WARS2: variants seen among roughly 807,000 people sequenced by gnomAD.
WARS2 encodes tryptophan--tRNA ligase, mitochondrial.
WARS2 carries 28 observed loss-of-function variants against 36.5 expected under a neutral mutation model. That is an observed-to-expected ratio of 0.77 (90% CI 0.57 to 1.05). The LOEUF (loss-of-function observed/expected upper bound fraction) is 1.05, where lower values mean the gene tolerates loss of function less well. Ranked by LOEUF, WARS2 falls within the 50% of genes least tolerant of loss-of-function variation. WARS2 has a pLI of 0.00. For missense variants in WARS2, 435 were observed against 456.8 expected (o/e 0.95, Z 0.44); for synonymous variants, 174 against 178.4 (o/e 0.98, Z 0.20).
At chr1:119,082,671 A>C (rs1411273995) in intron 1 of WARS2, 1 of 153,160 alleles carries the variant, frequency 6.5e-6, no homozygotes, top group Admixed American at 6.6e-5. Flanking sequence ...CACACTTCTC[A>C]GAAGGGGAAA....
intron 1 of WARS2, among the ~76,000 whole-genome samples, chr1:119,094,457 T>G (rs1008526577): frequency 2.0e-5 from 3 of 152,154 alleles, no homozygotes; most frequent in African/African-American, 4.8e-5. Context: ...GTGTTTGTTT[T>G]TTTTTTAAAT....
At chr1:119,078,997 T>C (rs1285303723) in intron 1 of WARS2, among the ~76,000 whole-genome samples, 1 of 151,924 alleles carries the variant, frequency 6.6e-6, no homozygotes, top group Admixed American at 6.6e-5. Context: ...GTGTGTGCAC[T>C]TTGAAGTTTT....
chr1:119,080,303 C>T (rs2101343830), intron 1 of WARS2, among the ~76,000 whole-genome samples: 1 of 152,158 alleles, frequency 6.6e-6, no homozygotes, highest in African/African-American at 2.4e-5. Flanking sequence ...CACATATATT[C>T]CTCCATCTTC....
chr1:119,034,693 T>C (rs7354830), intron 4 of WARS2, among the ~76,000 whole-genome samples: 3,042 of 152,236 alleles, frequency 0.02, 88 homozygotes, highest in African/African-American at 0.069. Flanking sequence ...CCCTGTCACA[T>C]AGGGAGTAAT....
chr1:119,106,582 T>C (rs112695945), intron 1 of WARS2, among the ~76,000 whole-genome samples: 11 of 152,322 alleles, frequency 7.2e-5, no homozygotes, highest in African/African-American at 2.6e-4. Flanking sequence ...CGTTTTCTGA[T>C]TGGCTTCTTT....
chr1:119,067,854 C>A (rs1651001091), intron 2 of WARS2, among the ~76,000 whole-genome samples: 3 of 150,834 alleles, frequency 2.0e-5, no homozygotes, highest in African/African-American at 7.3e-5. Flanking sequence ...GAAAAGAATT[C>A]TTCTTGAAGG....
At chr1:119,118,812 T>G (rs1057140163) in intron 1 of WARS2, among the ~76,000 whole-genome samples, 2 of 152,156 alleles carry the variant, frequency 1.3e-5, no homozygotes, top group African/African-American at 4.8e-5. Flanking sequence ...CAGCCAAGAA[T>G]TTTACATCCA....
intron 2 of WARS2, among the ~76,000 whole-genome samples, chr1:119,047,869 G>A (rs142435830): frequency 5.3e-5 from 8 of 152,340 alleles, no homozygotes; most frequent in Non-Finnish European, 1.2e-4. Context: ...AGTCAGCAGT[G>A]ATGAGTAGAA....
At chr1:119,120,310 G>A (rs747612724) in intron 1 of WARS2, among the ~76,000 whole-genome samples, 2 of 151,664 alleles carry the variant, frequency 1.3e-5, no homozygotes, top group Non-Finnish European at 2.9e-5. Context: ...TAGAGGAGAT[G>A]GATAAATTCC....
chr1:119,119,418 C>T (rs1442540598), intron 1 of WARS2, among the ~76,000 whole-genome samples: 1 of 151,980 alleles, frequency 6.6e-6, no homozygotes, highest in Non-Finnish European at 1.5e-5. Context: ...ATTTATAGAA[C>T]AATTATTACT....
intron 1 of WARS2, among the ~76,000 whole-genome samples, chr1:119,090,782 G>T (rs2101404881): frequency 6.6e-6 from 1 of 152,290 alleles, no homozygotes; most frequent in Admixed American, 6.5e-5. Flanking sequence ...TGTAGTACCA[G>T]CTACTCAAGA....
At chr1:119,115,941 G>C (rs1654934786) in intron 1 of WARS2, among the ~76,000 whole-genome samples, 1 of 152,072 alleles carries the variant, frequency 6.6e-6, no homozygotes, top group African/African-American at 2.4e-5. Flanking sequence ...CAAATGTTTA[G>C]GCAGCATTGT....
chr1:119,083,061 T>C (rs1377365714), intron 1 of WARS2, among the ~76,000 whole-genome samples: 1 of 152,070 alleles, frequency 6.6e-6, no homozygotes, highest in African/African-American at 2.4e-5. Context: ...AAACCCCGTC[T>C]CTACTAAAAA....
chr1:119,140,577 G>T lies in WARS2; in HGVS notation c.68C>A (p.Ser23Tyr). 1 of 1,613,656 alleles carries T rather than the reference G, an allele frequency of 6.2e-7. No individual in the cohort carries two copies. The highest frequency in any genetic ancestry group is 1.1e-5 in the South Asian group (1 of 91,044). Residue 23 changes from serine (S) to tyrosine (Y), a missense_variant, in exon 1 of 6, where the codon TCC becomes TAC. Coordinates refer to ENST00000235521, the MANE Select transcript of WARS2 (RefSeq NM_015836.4). ...WSFIRALHKG[S>Y]AAAPALQKDS... ...TACCTGGAGAGCGGGAGCAGCTGCG[G>T]ATCCCTTATGAAGTGCCCGGATGAA...
intron 1 of WARS2, among the ~76,000 whole-genome samples, chr1:119,120,571 C>G (rs1328952992): frequency 1.3e-5 from 2 of 151,902 alleles, no homozygotes; most frequent in Non-Finnish European, 2.9e-5. Flanking sequence ...TACCCTAATA[C>G]CAAAACCAGG....
At position 119,117,978 on chromosome 1, in the gene WARS2, G is replaced by A. The variant is rs587633709; in HGVS notation, c.90+22577C>T. ...CCACTGAAACAGTCTACCCAAATGA[G>A]AAGGAACCAGAAAAGTAATTCTAGT... is the stretch of plus-strand genomic sequence containing the variant. On this transcript the variant is annotated intron_variant, in intron 1 of 5. Transcript: ENST00000235521. Among the ~76,000 whole-genome samples, 18 of 152,198 alleles carry A rather than the reference G, an allele frequency of 1.2e-4. No individual in the cohort carries two copies. In the South Asian group the frequency reaches 3.5e-3, roughly 30 times the overall value.
At chr1:119,042,375 G>A in intron 3 of WARS2, 26 bp from the exon 4 acceptor site, 3 of 1,607,288 alleles carry the variant, frequency 1.9e-6, no homozygotes, top group East Asian at 2.2e-5. Context: ...AGAGAGGAGG[G>A]GAAGAAATCT....
At chr1:119,078,347 T>C (rs1197391094) in intron 1 of WARS2, among the ~76,000 whole-genome samples, 5 of 152,220 alleles carry the variant, frequency 3.3e-5, no homozygotes, top group Admixed American at 6.5e-5. Flanking sequence ...GTTTCTCTAG[T>C]GTATATATCT....
At chr1:119,134,319 CAA>C (rs761321480) in intron 1 of WARS2, among the ~76,000 whole-genome samples, 7 of 65,870 alleles carry the variant, frequency 1.1e-4, no homozygotes, top group African/African-American at 4.1e-4. Flanking sequence ...GGCAAAGGGG[CAA>C]AAAAAAAAAA....
Sources: allele counts gnomAD v4.1 joint callset (sites outside exome capture counted in the v4.1 genomes callset), GRCh38; gene constraint gnomAD v4.1.1; transcripts MANE v1.5; gene names NCBI Gene and HGNC (gene_info 2026-07-23, HGNC 2026-07-21).